The following SLC36A1 variants were observed in gnomAD, a reference collection of about 807,000 sequenced individuals.
SLC36A1 encodes the protein proton-coupled amino acid transporter 1.
In SLC36A1, 30 loss-of-function variants were observed where a neutral mutation model predicts 47.5. The observed-to-expected ratio is 0.63, with a 90% CI of 0.47 to 0.86. SLC36A1 has a LOEUF of 0.86. Ranked by LOEUF, SLC36A1 falls within the 40% of genes least tolerant of loss-of-function variation. SLC36A1 has a pLI of 0.00. For synonymous variants in SLC36A1, 255 were observed against 249.7 expected (o/e 1.02, Z -0.20); for missense variants, 517 against 606.0 (o/e 0.85, Z 1.54).
the SLC36A1 span, among the ~76,000 whole-genome samples, chr5:151,353,570 C>T: frequency 6.6e-6 from 1 of 152,022 alleles, no homozygotes; most frequent in Admixed American, 6.5e-5. Context: ...ACTGACACAC[C>T]ATTATCACCC....
chr5:151,461,163 T>C (rs1306191219), intron 2 of SLC36A1, among the ~76,000 whole-genome samples: 2 of 151,186 alleles, frequency 1.3e-5, no homozygotes, highest in African/African-American at 4.9e-5. Flanking sequence ...TATTTTTTTT[T>C]TTTTTTTTGT....
the SLC36A1 span, among the ~76,000 whole-genome samples, chr5:151,404,110 A>C: frequency 1.3e-5 from 2 of 152,166 alleles, no homozygotes; most frequent in Non-Finnish European, 2.9e-5. Flanking sequence ...ATTGGGTGTG[A>C]ATGTATTTAG....
rs769995159 is a variant in SLC36A1, at chr5:151,464,496, T to A, written c.235-18T>A. ...CCTACTTTTCTCTCTCTCTTTTGCC[T>A]GCAATATCTGTCCCCAGATGGGTCC... On this transcript the variant is annotated intron_variant, in intron 3 of 10. Transcript: ENST00000243389. 5 of 1,608,384 alleles carry A rather than the reference T, an allele frequency of 3.1e-6. No homozygotes were observed. The highest frequency in any genetic ancestry group is 4.3e-6 in the Non-Finnish European group (5 of 1,175,638).
intron 1 of SLC36A1, among the ~76,000 whole-genome samples, 157 bp from the exon 2 acceptor site, chr5:151,458,631 A>T (rs1004213778): frequency 6.6e-5 from 10 of 152,002 alleles, no homozygotes; most frequent in Admixed American, 2.0e-4. Flanking sequence ...GCACTTTTCC[A>T]TTTCCCTTGG....
At chr5:151,456,626 A>G (rs761247613) in intron 1 of SLC36A1, among the ~76,000 whole-genome samples, 2 of 152,080 alleles carry the variant, frequency 1.3e-5, no homozygotes, top group Non-Finnish European at 2.9e-5. Flanking sequence ...CCTCTAGCTC[A>G]TGAGTAAATG....
the SLC36A1 span, chr5:151,382,266 A>G: frequency 7.6e-7 from 1 of 1,318,936 alleles, no homozygotes; most frequent in Non-Finnish European, 1.1e-6. Flanking sequence ...TGGGAGCTAC[A>G]TAGCACACAC....
At chr5:151,472,439 C>G (rs1034457771) in intron 7 of SLC36A1, among the ~76,000 whole-genome samples, 1 of 152,252 alleles carries the variant, frequency 6.6e-6, no homozygotes, top group Non-Finnish European at 1.5e-5. Flanking sequence ...CACAAACACA[C>G]GCAGGAACAA....
intron 10 of SLC36A1, among the ~76,000 whole-genome samples, chr5:151,485,043 T>G (rs1442841359): frequency 6.6e-6 from 1 of 152,152 alleles, no homozygotes; most frequent in African/African-American, 2.4e-5. Flanking sequence ...TTGTTGAGCG[T>G]TAGATGACCT....
At chr5:151,534,481 C>T in the SLC36A1 span, 1 of 1,614,098 alleles carries the variant, frequency 6.2e-7, no homozygotes, top group South Asian at 1.1e-5. Context: ...ACAGCCACAG[C>T]ACAGTGGCTG....
chr5:151,532,527 A>G, the SLC36A1 span, among the ~76,000 whole-genome samples: 1 of 152,200 alleles, frequency 6.6e-6, no homozygotes, highest in Non-Finnish European at 1.5e-5. Context: ...TCCTACTGCT[A>G]TGTAAGATGC....
chr5:151,399,065 AAT>A, the SLC36A1 span, among the ~76,000 whole-genome samples: 22,822 of 66,524 alleles, frequency 0.34, 4,111 homozygotes, highest in Admixed American at 0.45. Context: ...TGTGTGTGTA[AAT>A]ATATATATAT....
chr5:151,474,017 A>G (rs1448814958), intron 8 of SLC36A1, among the ~76,000 whole-genome samples: 1 of 151,786 alleles, frequency 6.6e-6, no homozygotes, highest in Admixed American at 6.6e-5. Flanking sequence ...AAAATCAGCT[A>G]GGCATGGTGG....
At chr5:151,377,347 C>CTTTTTT in the SLC36A1 span, among the ~76,000 whole-genome samples, 30 of 120,290 alleles carry the variant, frequency 2.5e-4, no homozygotes, top group East Asian at 5.1e-4. Flanking sequence ...CTGTCTCTTT[C>CTTTTTT]TTTTTTTTTT....
the SLC36A1 span, chr5:151,507,367 C>T: frequency 5.0e-6 from 8 of 1,614,066 alleles, no homozygotes; most frequent in African/African-American, 1.3e-5. Context: ...GGGTTGAGCT[C>T]GATGGCAGGC....
chr5:151,542,370 A>G, the SLC36A1 span: 1 of 1,614,072 alleles, frequency 6.2e-7, no homozygotes, highest in Non-Finnish European at 8.5e-7. Context: ...CGCCAGGCTC[A>G]CTGTTCTCAA....
the SLC36A1 span, chr5:151,534,601 CCT>C: frequency 6.2e-7 from 1 of 1,614,048 alleles, no homozygotes. Flanking sequence ...TTGAACACAT[CCT>C]TCCTTTCTCG....
In SLC36A1 at chr5:151,472,874, A is replaced by T. The variant is rs1213532177; in HGVS notation, c.724-799A>T. Among the ~76,000 whole-genome samples the T allele has an allele frequency of 2.1e-4, 32 of 152,306 alleles. No individual in the cohort carries two copies. The South Asian group carries it at 6.6e-3, about 32-fold the overall frequency. The stretch of plus-strand genomic sequence containing the variant: ...TAGTTATCTCAATTTTTACTTTTTA[A>T]TAGTGCATACTGGCCAGGCGCAGTG... On this transcript the variant is annotated intron_variant, in intron 7 of 10. Transcript: ENST00000243389.
At chr5:151,529,893 G>T in the SLC36A1 span, among the ~76,000 whole-genome samples, 2 of 152,146 alleles carry the variant, frequency 1.3e-5, no homozygotes, top group African/African-American at 2.4e-5. Flanking sequence ...CTGGAAAAAA[G>T]AAATAAAAGA....
chr5:151,358,890 C>T, the SLC36A1 span, among the ~76,000 whole-genome samples: 9 of 145,032 alleles, frequency 6.2e-5, no homozygotes, highest in Non-Finnish European at 8.9e-5. Flanking sequence ...AGGAGAATGG[C>T]GTGAACCCGG....
Sources: allele counts gnomAD v4.1 joint callset (sites outside exome capture counted in the v4.1 genomes callset), GRCh38; gene constraint gnomAD v4.1.1; transcripts MANE v1.5; gene names NCBI Gene and HGNC (gene_info 2026-07-23, HGNC 2026-07-21).